ACVR2A: variants seen among roughly 807,000 people sequenced by gnomAD.
ACVR2A encodes the protein activin A receptor type 2A, also known as activin receptor type-2A.
In ACVR2A, 7 loss-of-function variants were observed where a neutral mutation model predicts 61.4. The observed-to-expected ratio is 0.11, with a 90% confidence interval of 0.06 to 0.21. The LOEUF (loss-of-function observed/expected upper bound fraction) is 0.21, where lower values mean the gene tolerates loss of function less well. Ranked by LOEUF, ACVR2A falls within the 10% of genes least tolerant of loss-of-function variation. The pLI is 1.00. For synonymous variants in ACVR2A, 193 were observed against 208.3 expected (o/e 0.93, Z 0.63); for missense variants, 322 against 621.7 (o/e 0.52, Z 5.13).
chr2:147,902,893 C>T (rs1686903994), intron 4 of ACVR2A: 1 of 151,948 alleles, frequency 6.6e-6, no homozygotes, highest in African/African-American at 2.4e-5. Flanking sequence ...AACATTCTTC[C>T]TCTGGATTCT....
chr2:147,882,522 C>A (rs551963461), intron 1 of ACVR2A, among the ~76,000 whole-genome samples: 1 of 152,168 alleles, frequency 6.6e-6, no homozygotes, highest in African/African-American at 2.4e-5. Context: ...CCACTGCACT[C>A]CAGCCTGAAC....
chr2:147,901,416 G>A lies in ACVR2A; in HGVS notation c.528+1518G>A, dbSNP rs181504880. ...CTGTATACAGTATTGTTACAAAAAT[G>A]TGCTTAAAGCTTTTCTTAAAGGGCT... is the stretch of plus-strand genomic sequence containing the variant. On this transcript the variant is annotated intron_variant, in intron 4 of 10. Coordinates refer to ENST00000241416, the MANE Select transcript of ACVR2A (RefSeq NM_001616.5). Among the ~76,000 whole-genome samples the A allele has an allele frequency of 1.8e-3, 268 of 152,060 alleles. 1 individual carries two copies. The highest frequency in any genetic ancestry group is 3.3e-3 in the Non-Finnish European group (223 of 67,892).
chr2:147,871,680 G>T (rs1558965220), intron 1 of ACVR2A, among the ~76,000 whole-genome samples: 1 of 152,066 alleles, frequency 6.6e-6, no homozygotes, highest in African/African-American at 2.4e-5. Flanking sequence ...GAATTGAGCA[G>T]ATATATATTG....
At chr2:147,913,233 A>T (rs777211725) in intron 4 of ACVR2A, among the ~76,000 whole-genome samples, 12 of 151,872 alleles carry the variant, frequency 7.9e-5, no homozygotes, top group Admixed American at 2.6e-4. Flanking sequence ...CATGTTGTTG[A>T]TGTCCTTTAG....
intron 1 of ACVR2A, among the ~76,000 whole-genome samples, chr2:147,874,735 T>C (rs1686111836): frequency 6.6e-6 from 1 of 152,004 alleles, no homozygotes. Flanking sequence ...ATGAATCTAC[T>C]ACGCACTGTG....
chr2:147,880,962 C>G (rs1686284098), intron 1 of ACVR2A, among the ~76,000 whole-genome samples: 1 of 152,126 alleles, frequency 6.6e-6, no homozygotes, highest in Non-Finnish European at 1.5e-5. Flanking sequence ...CTATTTTTCC[C>G]TCTTTGTTTA....
At chr2:147,878,919 A>G (rs62169484) in intron 1 of ACVR2A, among the ~76,000 whole-genome samples, 1 of 149,800 alleles carries the variant, frequency 6.7e-6, no homozygotes, top group South Asian at 2.1e-4. Flanking sequence ...AAAAAAAAAA[A>G]TCTTTTTTTG....
At chr2:147,896,743 A>G (rs1686741902) in intron 2 of ACVR2A, 1 of 383,474 alleles carries the variant, frequency 2.6e-6, no homozygotes, top group African/African-American at 2.0e-5. Flanking sequence ...CAGTAGTGAG[A>G]ACTCTGAAAT....
intron 4 of ACVR2A, among the ~76,000 whole-genome samples, chr2:147,908,062 AAG>A (rs369100698): frequency 8.0e-5 from 9 of 112,486 alleles, no homozygotes; most frequent in East Asian, 7.1e-4. Flanking sequence ...AAAGAAAAAA[AAG>A]AAAAAAAAAG....
At chr2:147,845,295 G>GTCC in intron 1 of ACVR2A, 88 bp downstream of exon 1, 2 of 1,244,712 alleles carry the variant, frequency 1.6e-6, no homozygotes, top group East Asian at 5.7e-5. Context: ...GAGTCGGAGA[G>GTCC]TCCAGTGGAG....
At chr2:147,865,861 G>T (rs2105150417) in intron 1 of ACVR2A, among the ~76,000 whole-genome samples, 1 of 152,302 alleles carries the variant, frequency 6.6e-6, no homozygotes, top group East Asian at 1.9e-4. Context: ...AGTCCCTTGG[G>T]ATAGCAGAAG....
intron 1 of ACVR2A, among the ~76,000 whole-genome samples, chr2:147,852,585 A>G (rs1439082316): frequency 6.6e-6 from 1 of 152,132 alleles, no homozygotes; most frequent in Non-Finnish European, 1.5e-5. Context: ...ACTGGTCTCA[A>G]GGGAGAACAT....
At chr2:147,858,993 A>G (rs185317407) in intron 1 of ACVR2A, among the ~76,000 whole-genome samples, 145 of 152,278 alleles carry the variant, frequency 9.5e-4, no homozygotes, top group African/African-American at 3.3e-3. Context: ...TCTCTTGGAC[A>G]TTGTATAGGT....
At chr2:147,900,189 A>G (rs1176326479) in intron 4 of ACVR2A, among the ~76,000 whole-genome samples, 1 of 152,056 alleles carries the variant, frequency 6.6e-6, no homozygotes, top group Non-Finnish European at 1.5e-5. Context: ...TTGCTTCTTG[A>G]GAAGTCATTT....
chr2:147,847,239 T>C (rs1167001705), intron 1 of ACVR2A, among the ~76,000 whole-genome samples: 2 of 152,246 alleles, frequency 1.3e-5, no homozygotes, highest in South Asian at 4.1e-4. Context: ...AACTAAAATA[T>C]GTGATTCTGT....
chr2:147,894,908 A>G (rs1363771661), intron 1 of ACVR2A, among the ~76,000 whole-genome samples: 1 of 152,090 alleles, frequency 6.6e-6, no homozygotes, highest in Non-Finnish European at 1.5e-5. Flanking sequence ...TGATCCTTGA[A>G]TAACAAGGGT....
intron 1 of ACVR2A, among the ~76,000 whole-genome samples, chr2:147,893,027 A>C (rs1351187093): frequency 6.6e-6 from 1 of 152,006 alleles, no homozygotes; most frequent in Admixed American, 6.6e-5. Context: ...TGGTGTTCCT[A>C]TTTCCTTCAT....
chr2:147,848,440 A>G (rs1218639744), intron 1 of ACVR2A, among the ~76,000 whole-genome samples: 3 of 152,142 alleles, frequency 2.0e-5, no homozygotes, highest in Admixed American at 6.5e-5. Flanking sequence ...TGCTACTGGC[A>G]TCTAGTTGGG....
intron 1 of ACVR2A, among the ~76,000 whole-genome samples, chr2:147,891,447 C>A (rs1039841978): frequency 2.6e-5 from 4 of 151,298 alleles, no homozygotes; most frequent in Admixed American, 2.6e-4. Context: ...TAGGAGGTGG[C>A]AGACCGCACA....
Sources: allele counts gnomAD v4.1 joint callset (sites outside exome capture counted in the v4.1 genomes callset), GRCh38; gene constraint gnomAD v4.1.1; transcripts MANE v1.5; gene names NCBI Gene and HGNC (gene_info 2026-07-23, HGNC 2026-07-21).